PLPPR1: variants seen among roughly 807,000 people sequenced by gnomAD.
PLPPR1 encodes the protein phospholipid phosphatase-related protein type 1.
In PLPPR1, 10 loss-of-function variants were observed where a neutral mutation model predicts 33.1. That is an observed-to-expected ratio of 0.30 (90% CI 0.19 to 0.51). The LOEUF (loss-of-function observed/expected upper bound fraction) is 0.51, where lower values mean the gene tolerates loss of function less well. PLPPR1 is among the 20% of genes least tolerant of loss of function. The probability of loss-of-function intolerance (pLI) is 0.97; values close to 1 mark genes in which losing one functional copy is unlikely to be tolerated. For missense variants in PLPPR1, 304 were observed against 408.1 expected (o/e 0.74, Z 2.20); for synonymous variants, 151 against 151.0 (o/e 1.00, Z 0.00).
intron 1 of PLPPR1, among the ~76,000 whole-genome samples, chr9:101,124,355 T>C (rs924649793): frequency 3.3e-5 from 5 of 152,194 alleles, no homozygotes. Context: ...TTCTCTTGTA[T>C]TCAGGGTAGA....
chr9:101,070,184 C>T (rs994396828), intron 1 of PLPPR1, among the ~76,000 whole-genome samples: 1 of 152,052 alleles, frequency 6.6e-6, no homozygotes, highest in Non-Finnish European at 1.5e-5. Context: ...TTCATGGGGT[C>T]AGGGGGACTA....
At chr9:101,181,840 T>G (rs72741452) in intron 1 of PLPPR1, among the ~76,000 whole-genome samples, 20,623 of 146,798 alleles carry the variant, frequency 0.14, 1,644 homozygotes, top group Admixed American at 0.18. Context: ...AGTATATATA[T>G]AGTGTGCATG....
At chr9:101,157,077 G>A (rs2118663339) in intron 1 of PLPPR1, among the ~76,000 whole-genome samples, 1 of 152,322 alleles carries the variant, frequency 6.6e-6, no homozygotes, top group South Asian at 2.1e-4. Flanking sequence ...TATACCATGT[G>A]AAGGAGCTAA....
intron 1 of PLPPR1, among the ~76,000 whole-genome samples, chr9:101,088,300 G>A (rs996943498): frequency 6.6e-6 from 1 of 152,004 alleles, no homozygotes; most frequent in Non-Finnish European, 1.5e-5. Context: ...TGCAATGATG[G>A]TTGTTCATTT....
chr9:101,280,229 T>C (rs12683367), intron 3 of PLPPR1, among the ~76,000 whole-genome samples: 34,801 of 151,976 alleles, frequency 0.23, 4,679 homozygotes, highest in Admixed American at 0.33. Flanking sequence ...CTTACCAAGA[T>C]TGAGCCATGA....
At position 101,265,723 on chromosome 9, in the gene PLPPR1, A is replaced by G. The variant is rs1330064459; in HGVS notation, c.64-4157A>G. Among the ~76,000 whole-genome samples the G allele has an allele frequency of 2.6e-5, 4 of 152,152 alleles. No homozygotes were observed. In the East Asian group the frequency reaches 7.7e-4, roughly 29 times the overall value. ...AAAATATGGTCACAGGAGGCCGGGT[A>G]CGGTGGCTCAAGCCTGTAATCCCAG... On this transcript the variant is annotated intron_variant, in intron 2 of 7. Coordinates refer to ENST00000374874, the MANE Select transcript of PLPPR1 (RefSeq NM_207299.2).
chr9:101,317,676 C>T (rs990880877), intron 7 of PLPPR1, among the ~76,000 whole-genome samples, 180 bp downstream of exon 7: 48 of 152,054 alleles, frequency 3.2e-4, no homozygotes, highest in African/African-American at 8.0e-4. Flanking sequence ...ATATTTATTC[C>T]GGGGGTTGGG....
intron 2 of PLPPR1, among the ~76,000 whole-genome samples, chr9:101,220,282 A>G (rs1334375825): frequency 6.6e-6 from 1 of 152,214 alleles, no homozygotes; most frequent in African/African-American, 2.4e-5. Context: ...TTTTATGTTA[A>G]AAATGTCATT....
intron 2 of PLPPR1, among the ~76,000 whole-genome samples, chr9:101,220,916 A>G (rs1217536977): frequency 1.3e-5 from 2 of 152,194 alleles, no homozygotes; most frequent in African/African-American, 4.8e-5. Context: ...CTGGTTTTTC[A>G]AAGTATGTTA....
At chr9:101,301,945 G>A (rs1259680793) in intron 4 of PLPPR1, among the ~76,000 whole-genome samples, 2 of 152,194 alleles carry the variant, frequency 1.3e-5, no homozygotes, top group Non-Finnish European at 2.9e-5. Flanking sequence ...GTGCATGTGT[G>A]TGTGCTCCCA....
At chr9:101,240,425 T>TTTTTTTTTTTTTTTGAGACGGAGTCTCG (rs1827439557) in intron 2 of PLPPR1, among the ~76,000 whole-genome samples, 1 of 152,012 alleles carries the variant, frequency 6.6e-6, no homozygotes, top group African/African-American at 2.4e-5. Context: ...TTTTTCTCTT[T>TTTTTTTTTTTTTTTGAGACGGAGTCTCG]CTCTGAAGAA....
chr9:101,192,702 T>C (rs2118730959), intron 2 of PLPPR1, among the ~76,000 whole-genome samples: 1 of 152,092 alleles, frequency 6.6e-6, no homozygotes, highest in African/African-American at 2.4e-5. Flanking sequence ...CATACAACCT[T>C]GATAGTAAGA....
intron 3 of PLPPR1, 41 bp downstream of exon 3, chr9:101,270,109 C>T (rs1828067708): frequency 6.3e-7 from 1 of 1,591,354 alleles, no homozygotes; most frequent in Admixed American, 1.7e-5. Flanking sequence ...TGTCAGATAC[C>T]CAAGAATATT....
intron 1 of PLPPR1, among the ~76,000 whole-genome samples, chr9:101,111,093 C>T (rs2118574970): frequency 6.6e-6 from 1 of 152,178 alleles, no homozygotes; most frequent in Middle Eastern, 3.4e-3. Context: ...AAAGTATGGA[C>T]AGTGTAACTA....
chr9:101,084,641 G>C (rs7867039), intron 1 of PLPPR1, among the ~76,000 whole-genome samples: 7,545 of 152,278 alleles, frequency 0.05, 519 homozygotes, highest in East Asian at 0.26. Flanking sequence ...GCTTTGCAAG[G>C]CTTCTTTGGT....
intron 1 of PLPPR1, among the ~76,000 whole-genome samples, chr9:101,109,179 G>A (rs376696274): frequency 3.8e-5 from 5 of 131,010 alleles, no homozygotes; most frequent in African/African-American, 5.8e-5. Context: ...GGGTTTCACC[G>A]TAGCCAGGAT....
chr9:101,297,615 T>C (rs976349683), intron 4 of PLPPR1, among the ~76,000 whole-genome samples: 1 of 152,180 alleles, frequency 6.6e-6, no homozygotes, highest in South Asian at 2.1e-4. Flanking sequence ...TAAAACATCA[T>C]AGCTAAACTT....
intron 2 of PLPPR1, among the ~76,000 whole-genome samples, chr9:101,230,469 G>T (rs182785203): frequency 6.6e-6 from 1 of 152,242 alleles, no homozygotes; most frequent in Non-Finnish European, 1.5e-5. Context: ...AGAAAAACTA[G>T]GTATGCATAG....
At chr9:101,116,807 CA>C (rs35906894) in intron 1 of PLPPR1, among the ~76,000 whole-genome samples, 58,147 of 118,176 alleles carry the variant, frequency 0.49, 11,986 homozygotes, top group Middle Eastern at 0.54. Flanking sequence ...GACTCCATCT[CA>C]AAAAAAAAAA....
Sources: gnomAD v4.1 joint callset for allele counts (sites outside exome capture counted in the v4.1 genomes callset) on GRCh38, gnomAD v4.1.1 for gene constraint, MANE v1.5 for transcripts, NCBI Gene and HGNC (gene_info 2026-07-23, HGNC 2026-07-21) for gene names.